TMEM170A: variants seen among roughly 807,000 people sequenced by gnomAD.
The protein encoded by TMEM170A is transmembrane protein 170.
TMEM170A carries 18 observed loss-of-function variants against 12.8 expected under a neutral mutation model. The ratio of observed to expected loss-of-function variants is 1.41; its 90% confidence interval spans 0.97 to 2.09. The LOEUF (loss-of-function observed/expected upper bound fraction) is 2.09, where lower values mean the gene tolerates loss of function less well. TMEM170A is among the 30% of genes most tolerant of loss of function. The pLI, the probability that TMEM170A is intolerant of heterozygous loss-of-function variation, is 0.00. For synonymous variants in TMEM170A, 107 were observed against 76.2 expected (o/e 1.40, Z -2.11); for missense variants, 220 against 179.9 (o/e 1.22, Z -1.28).
intron 1 of TMEM170A, chr16:75,458,239 A>G (rs2079834332): frequency 6.6e-6 from 1 of 151,942 alleles, no homozygotes; most frequent in South Asian, 2.1e-4. Context: ...AAGGTAAATC[A>G]GGTAATTAAT....
chr16:75,457,136 A>G (rs1356226767), intron 1 of TMEM170A, among the ~76,000 whole-genome samples: 1 of 152,096 alleles, frequency 6.6e-6, no homozygotes, highest in Non-Finnish European at 1.5e-5. Context: ...GGTCCCTGCT[A>G]TCCAGGGCTT....
At chr16:75,464,204 G>A (rs996574494) in intron 1 of TMEM170A, 8 of 1,504,648 alleles carry the variant, frequency 5.3e-6, no homozygotes, top group Non-Finnish European at 7.1e-6. Flanking sequence ...TCGGGTGGCG[G>A]CCGAGCGCCC....
chr16:75,454,346 T>C (rs1179388208), intron 1 of TMEM170A, among the ~76,000 whole-genome samples: 1 of 152,042 alleles, frequency 6.6e-6, no homozygotes, highest in Non-Finnish European at 1.5e-5. Context: ...TGGCCGGGCG[T>C]GGTAGCTCAC....
intron 1 of TMEM170A, among the ~76,000 whole-genome samples, chr16:75,463,475 C>T (rs1282755944): frequency 6.6e-6 from 1 of 152,124 alleles, no homozygotes; most frequent in Non-Finnish European, 1.5e-5. Flanking sequence ...ACTGCAAGTC[C>T]CAGGTGTCCG....
intron 1 of TMEM170A, among the ~76,000 whole-genome samples, chr16:75,462,948 G>A (rs1374031326): frequency 6.6e-6 from 1 of 152,012 alleles, no homozygotes; most frequent in African/African-American, 2.4e-5. Context: ...TCAAGCAAGT[G>A]TTATGACTTC....
chr16:75,447,669 A>T lies in TMEM170A; in HGVS notation c.324T>A (p.Val108=). ...TCATTTCCTTCCCTGCTGCTCGGTA[A>T]ACTCCAGCAATAGCTGCACCTGATT... The part of the protein sequence containing the change: ...GILTSAAIAG[V]YRAAGKEMIP... The change falls in exon 3 of 3, where the codon GTT becomes GTA. Residue 108 remains valine, a synonymous_variant. Coordinates refer to ENST00000561878, the MANE Select transcript of TMEM170A (RefSeq NM_145254.3). The T allele has an allele frequency of 6.2e-7, 1 of 1,604,228 alleles. No homozygotes were observed.
chr16:75,464,164 G>A, intron 1 of TMEM170A: 2 of 1,450,086 alleles, frequency 1.4e-6, no homozygotes, highest in Non-Finnish European at 1.8e-6. Flanking sequence ...CTGAACCTGA[G>A]GCGCTCGGAA....
rs2079530942 is a variant in TMEM170A, at chr16:75,443,198, A to G, written c.*4360T>C. 6.6e-6 allele frequency: 1 copy of G among 152,258 alleles called. No individual in the cohort carries two copies. The highest frequency in any genetic ancestry group is 2.4e-5 in the African/African-American group (1 of 41,472). 9.4% of individuals were successfully genotyped at this position (152,258 alleles called of 1,614,324 possible). On this transcript the variant is annotated 3_prime_UTR_variant, in exon 3 of 3. Transcript: ENST00000561878. The stretch of plus-strand genomic sequence containing the variant: ...ACTGAAGTCAATTTTATTACAAAAG[A>G]TTAAACTCATTAGCCACCAAAAAGA...
At position 75,451,949 on chromosome 16, in the gene TMEM170A, CCTTT is replaced by C. The variant is rs895543854; in HGVS notation, c.134-114_134-111del. 22 of 1,071,730 alleles carry C rather than the reference CCTTT, an allele frequency of 2.1e-5. No homozygotes were observed. In the African/African-American group the frequency reaches 2.7e-4, roughly 13 times the overall value. 66.4% of individuals were successfully genotyped at this position (1,071,730 alleles called of 1,614,324 possible). A position where few individuals can be genotyped will look rare whatever the true frequency, so the allele number is the denominator to read the frequency against. On this transcript the variant is annotated intron_variant, in intron 1 of 2. Transcript: ENST00000561878. The stretch of plus-strand genomic sequence containing the variant: ...TCATTTTCAACACCGTTTCTTTTTT[CCTTT>C]TTTTTGAAAAATTTTTATTATTTTT...
In TMEM170A at chr16:75,443,706, GCA is replaced by G. The variant is rs1452616212; in HGVS notation, c.*3850_*3851del. ...GTAATATTTTGTGGTCACAAAAAAA[GCA>G]CAGATACCTCTTTTAGAATATTCAT... On this transcript the variant is annotated 3_prime_UTR_variant, in exon 3 of 3. Coordinates refer to ENST00000561878, the MANE Select transcript of TMEM170A (RefSeq NM_145254.3). 1 of 152,120 alleles carries G rather than the reference GCA, an allele frequency of 6.6e-6. No individual in the cohort carries two copies. The highest frequency in any genetic ancestry group is 2.4e-5 in the African/African-American group (1 of 41,406). The allele number at this position is 152,120 out of a possible 1,614,324, so 9.4% of individuals were successfully genotyped here.
chr16:75,451,649 T>C lies in TMEM170A; in HGVS notation c.304+20A>G, dbSNP rs1313544260. 2 of 1,613,536 alleles carry C rather than the reference T, an allele frequency of 1.2e-6. No homozygotes were observed. The highest frequency in any genetic ancestry group is 2.2e-5 in the East Asian group (1 of 44,886). ...AGTCATATTAAACATTTTTGACTGG[T>C]ATTTTAATGTCTAACATACTTGTCA... On this transcript the variant is annotated intron_variant, in intron 2 of 2. Transcript: ENST00000561878.
At chr16:75,453,452 A>C (rs928801806) in intron 1 of TMEM170A, among the ~76,000 whole-genome samples, 5 of 152,298 alleles carry the variant, frequency 3.3e-5, no homozygotes, top group Admixed American at 1.3e-4. Flanking sequence ...CCCAAAAACC[A>C]AAAAACCCAA....
At chr16:75,458,605 G>T (rs753303154) in intron 1 of TMEM170A, 3 of 152,194 alleles carry the variant, frequency 2.0e-5, no homozygotes, top group Non-Finnish European at 2.9e-5. Context: ...GCTCCAGAAG[G>T]AACACAGCCC....
intron 1 of TMEM170A, among the ~76,000 whole-genome samples, chr16:75,453,105 AG>A (rs2079718789): frequency 6.6e-6 from 1 of 152,140 alleles, no homozygotes; most frequent in Non-Finnish European, 1.5e-5. Flanking sequence ...CTGAAAAAAA[AG>A]GTTCATCTAG....
At chr16:75,459,948 CCT>C (rs1159746196) in intron 1 of TMEM170A, 2 of 152,650 alleles carry the variant, frequency 1.3e-5, no homozygotes, top group Non-Finnish European at 2.9e-5. Flanking sequence ...AGCCCTGCAC[CCT>C]CTCTTGCCAA....
intron 2 of TMEM170A, among the ~76,000 whole-genome samples, chr16:75,451,133 G>A (rs1021361549): frequency 6.6e-6 from 1 of 152,008 alleles, no homozygotes; most frequent in Non-Finnish European, 1.5e-5. Flanking sequence ...CCTCTCTCAC[G>A]AGATATATCT....
At chr16:75,455,251 G>T (rs903360808) in intron 1 of TMEM170A, among the ~76,000 whole-genome samples, 3 of 151,914 alleles carry the variant, frequency 2.0e-5, no homozygotes, top group Non-Finnish European at 2.9e-5. Context: ...CAGCTACTTG[G>T]GAGGCTGAGG....
intron 1 of TMEM170A, 99 bp from the exon 2 acceptor site, chr16:75,451,938 G>T: frequency 4.5e-6 from 5 of 1,109,298 alleles, no homozygotes; most frequent in East Asian, 2.7e-5. Flanking sequence ...TTTCAACACC[G>T]TTTCTTTTTT....
chr16:75,451,905 A>ACACC, intron 1 of TMEM170A, 66 bp from the exon 2 acceptor site: 1 of 1,374,824 alleles, frequency 7.3e-7, no homozygotes, highest in Non-Finnish European at 1.0e-6. Flanking sequence ...TGCAGAGGGT[A>ACACC]CTCATCATAC....
Sources: gnomAD v4.1 joint callset for allele counts (sites outside exome capture counted in the v4.1 genomes callset) on GRCh38, gnomAD v4.1.1 for gene constraint, MANE v1.5 for transcripts, NCBI Gene and HGNC (gene_info 2026-07-23, HGNC 2026-07-21) for gene names.